Variants in TKFC observed in about 807,000 individuals in gnomAD.
TKFC encodes triokinase/FMN cyclase.
A neutral mutation model predicts 61.0 loss-of-function variants in TKFC; 46 were observed. The ratio of observed to expected loss-of-function variants is 0.75; its 90% CI spans 0.60 to 0.96. The LOEUF is 0.96. Ranked by LOEUF, TKFC falls within the 50% of genes least tolerant of loss-of-function variation. The probability of loss-of-function intolerance (pLI) is 0.00; values close to 1 mark genes in which losing one functional copy is unlikely to be tolerated. For missense variants in TKFC, 715 were observed against 777.5 expected (o/e 0.92, Z 0.96); for synonymous variants, 314 against 330.1 (o/e 0.95, Z 0.53).
chr11:61,334,060 C>T (rs955995812), intron 1 of TKFC: 2 of 152,436 alleles, frequency 1.3e-5, no homozygotes, highest in African/African-American at 4.8e-5. Flanking sequence ...TTGCCTTTCC[C>T]ATAGCAGAGA....
In TKFC at chr11:61,346,430, T is replaced by G; in HGVS notation, c.1655T>G (p.Leu552Arg). Residue 552 changes from leucine to arginine, a missense_variant, in exon 18 of 18, where the codon CTG (leucine) becomes CGG (arginine). By Grantham distance (102) the Leu-to-Arg change is moderately radical. Transcript: ENST00000394900. This position sits in a 1 kb window ranked among gnomAD's most constrained non-coding sequence, Gnocchi z 4.1. ...GRASYISSAR[L>R]EQPDPGAVAA... ...GCCAGTTATATCAGCTCAGCACGGC[T>G]GGAGCAGCCAGACCCCGGGGCGGTG... 1.2e-6 allele frequency: 2 copies of G among 1,611,822 alleles called. No individual in the cohort carries two copies. The highest frequency in any genetic ancestry group is 1.7e-6 in the Non-Finnish European group (2 of 1,179,796).
chr11:61,341,563 G>C (rs1307969203), intron 6 of TKFC, 49 bp downstream of exon 6: 14 of 1,541,844 alleles, frequency 9.1e-6, no homozygotes, highest in African/African-American at 2.7e-5. Context: ...AGGTTGGACA[G>C]CCCTGGGGCG....
In TKFC at chr11:61,344,237, G is replaced by A. The variant is rs1427084373; in HGVS notation, c.1204G>A (p.Gly402Ser). Residue 402 changes from glycine (G) to serine (S), a missense_variant, in exon 13 of 18, where the codon GGC becomes AGC. Transcript: ENST00000394900. Reference sequence around the variant, plus strand: ...TGCCCTGGACCGGGCTGCTGGTGACGGCGACTGTGGCACCACCCACAGCCG... The same window carrying A: ...TGCCCTGGACCGGGCTGCTGGTGACAGCGACTGTGGCACCACCCACAGCCG... Reference protein sequence around the residue: ...LNALDRAAGDGDCGTTHSRAA... With the variant: ...LNALDRAAGDSDCGTTHSRAA... The A allele has an allele frequency of 1.9e-5, 31 of 1,612,690 alleles. No homozygotes were observed. The highest frequency in any genetic ancestry group is 2.7e-5 in the African/African-American group (2 of 74,878).
At chr11:61,341,555 G>A (rs1038386607) in intron 6 of TKFC, 41 bp downstream of exon 6, 1 of 1,548,642 alleles carries the variant, frequency 6.5e-7, no homozygotes, top group African/African-American at 1.4e-5. Context: ...AGTGGGGAAG[G>A]TTGGACAGCC....
chr11:61,349,457 C>T, downstream of TKFC: 1 of 683,284 alleles, frequency 1.5e-6, no homozygotes, highest in Non-Finnish European at 2.7e-6. Context: ...GGCAGGAAGG[C>T]CCTGATCCAG....
chr11:61,341,580 AGGTTCCTGTT>A, intron 6 of TKFC, 66 bp downstream of exon 6: 1 of 1,524,650 alleles, frequency 6.6e-7, no homozygotes, highest in Admixed American at 2.0e-5. Context: ...GGCGAGGAGC[AGGTTCCTGTT>A]GGCTGCCTAG....
chr11:61,342,705 G>C, intron 9 of TKFC, 47 bp downstream of exon 9: 1 of 1,613,622 alleles, frequency 6.2e-7, no homozygotes. Context: ...TAAACCTCTG[G>C]GGAGGAGACG....
chr11:61,343,697 G>A (rs1856974468), intron 11 of TKFC, 159 bp from the exon 12 acceptor site: 3 of 1,144,376 alleles, frequency 2.6e-6, no homozygotes, highest in South Asian at 1.5e-5. Flanking sequence ...CCATACCCCT[G>A]TATACAGTAG....
chr11:61,346,225 G>T lies in TKFC; in HGVS notation c.1576-126G>T. ...CTTTCCATTTGGTGACAGAGCAGAG[G>T]GTGCTGGCAGAGCCAGGGCAAGGGC... On this transcript the variant is annotated intron_variant, in intron 17 of 17. Coordinates refer to ENST00000394900, the MANE Select transcript of TKFC (RefSeq NM_015533.4). This position sits in a 1 kb window ranked among gnomAD's most constrained non-coding sequence, Gnocchi z 4.1. 6.5e-7 allele frequency: 1 copy of T among 1,547,276 alleles called. No homozygotes were observed. The highest frequency in any genetic ancestry group is 8.7e-7 in the Non-Finnish European group (1 of 1,152,952).
At chr11:61,341,398 C>T (rs766049785) in intron 5 of TKFC, 38 bp from the exon 6 acceptor site, 1 of 1,548,672 alleles carries the variant, frequency 6.5e-7, no homozygotes, top group South Asian at 1.2e-5. Flanking sequence ...TACAGTGATA[C>T]CCTCCCCCCT....
rs932953369 is a variant in TKFC, at chr11:61,347,083, G to T, written c.*580G>T. On this transcript the variant is annotated 3_prime_UTR_variant, in exon 18 of 18. Transcript: ENST00000394900. ...CTGGGCTGCTTCCACTGAGACCCCC[G>T]ACCCATCCCCTTTCCAGTACACACA... 6.1e-6 allele frequency: 6 copies of T among 985,484 alleles called. No individual in the cohort carries two copies. The highest frequency in any genetic ancestry group is 6.2e-5 in the Admixed American group (1 of 16,252). 61.0% of individuals were successfully genotyped at this position (985,484 alleles called of 1,614,324 possible). A position where few individuals can be genotyped will look rare whatever the true frequency, so the allele number is the denominator to read the frequency against.
At chr11:61,342,147 C>T (rs1006995283) in intron 7 of TKFC, among the ~76,000 whole-genome samples, 3 of 152,208 alleles carry the variant, frequency 2.0e-5, no homozygotes, top group African/African-American at 4.8e-5. Context: ...CTAGCCTTTG[C>T]CTGCCATTCC....
chr11:61,352,517 C>T (rs140313232), downstream of TKFC: 572 of 167,472 alleles, frequency 3.4e-3, 1 homozygote, highest in Middle Eastern at 0.012. Flanking sequence ...AAAAATTAGC[C>T]GGGCATGGTG....
chr11:61,341,472 G>C lies in TKFC; in HGVS notation c.523G>C (p.Glu175Gln), dbSNP rs748140966. 6.4e-7 allele frequency: 1 copy of C among 1,555,184 alleles called. No homozygotes were observed. The highest frequency in any genetic ancestry group is 8.7e-7 in the Non-Finnish European group (1 of 1,148,718). Residue 175 changes from glutamate to glutamine, a missense_variant, in exon 6 of 18, where the codon GAG becomes CAG. Transcript: ENST00000394900. ...TCTGGCTGAGGCTGGTGTGGGGCTG[G>C]AGGAGATCGCAAAGCAGGTGAACGT... ...GALAEAGVGL[E>Q]EIAKQVNVVA...
Position 61,342,632 on chromosome 11 carries a change from A to G in TKFC, c.749A>G (p.Asn250Ser). The change falls in exon 9 of 18, where the codon AAC becomes AGC. Residue 250 changes from asparagine (N) to serine (S), a missense_variant. Physicochemically the swap from Asn to Ser is conservative, Grantham distance 46. Coordinates refer to ENST00000394900, the MANE Select transcript of TKFC (RefSeq NM_015533.4). Reference sequence around the variant, plus strand: ...CTCGACCACATGACAAACACCACCAACGCGTCCCATGTGCCTGTGCAGCCC... The same window carrying G: ...CTCGACCACATGACAAACACCACCAGCGCGTCCCATGTGCCTGTGCAGCCC... ...LMLDHMTNTT[N>S]ASHVPVQPGS... is the part of the protein sequence containing the mutation. The G allele has an allele frequency of 1.2e-6, 2 of 1,613,958 alleles. No individual in the cohort carries two copies. Among genetic ancestry groups the G allele is most frequent in the African/African-American group, 1.3e-5 (1 of 75,022 alleles).
chr11:61,342,750 C>G lies in TKFC; in HGVS notation c.776-5C>G, dbSNP rs546103224. 1.9e-6 allele frequency: 3 copies of G among 1,613,900 alleles called. No homozygotes were observed. The highest frequency in any genetic ancestry group is 2.5e-6 in the Non-Finnish European group (3 of 1,180,038). On this transcript the variant is annotated splice_region_variant and splice_polypyrimidine_tract_variant and intron_variant, in intron 9 of 17. Coordinates refer to ENST00000394900, the MANE Select transcript of TKFC (RefSeq NM_015533.4). ...TCTCACCTGGGGTGTCATGTCTACC[C>G]GCAGGCTCCTCAGTTGTGATGATGG...
chr11:61,343,751 G>A (rs1395491353), intron 11 of TKFC, 105 bp from the exon 12 acceptor site: 20 of 1,495,268 alleles, frequency 1.3e-5, no homozygotes, highest in Non-Finnish European at 1.7e-5. Flanking sequence ...TTCCTCCAGG[G>A]CTGCTGAGAA....
downstream of TKFC, chr11:61,350,976 G>T: frequency 1.2e-6 from 2 of 1,609,624 alleles, no homozygotes; most frequent in Non-Finnish European, 1.7e-6. Context: ...TGGAATGTGG[G>T]ACTGGAACCC....
In TKFC at chr11:61,346,290, G is replaced by T; in HGVS notation, c.1576-61G>T. On this transcript the variant is annotated intron_variant, in intron 17 of 17. Transcript: ENST00000394900. This position sits in a 1 kb window ranked among gnomAD's most constrained non-coding sequence, Gnocchi z 4.1. ...TGCACGGCAGAGACGTTCTGCCCATGGCAGGAAGGAGGCGGCCTGGTGATC... is the reference window on the plus strand; with the variant it reads ...TGCACGGCAGAGACGTTCTGCCCATTGCAGGAAGGAGGCGGCCTGGTGATC... The T allele has an allele frequency of 6.2e-7, 1 of 1,606,806 alleles. No homozygotes were observed. The highest frequency in any genetic ancestry group is 1.1e-5 in the South Asian group (1 of 90,906).
Sources: allele counts gnomAD v4.1 joint callset (sites outside exome capture counted in the v4.1 genomes callset), GRCh38; gene constraint gnomAD v4.1.1; non-coding constraint Gnocchi (gnomAD v3.1); transcripts MANE v1.5; gene names NCBI Gene and HGNC (gene_info 2026-07-23, HGNC 2026-07-21).